The following POLE variants were observed in gnomAD, a reference collection of about 807,000 sequenced individuals.
The protein encoded by POLE is DNA polymerase epsilon catalytic subunit A.
A neutral mutation model predicts 279.2 loss-of-function variants in POLE; 188 were observed. That is an observed-to-expected ratio of 0.67 (90% CI 0.60 to 0.76). The LOEUF (loss-of-function observed/expected upper bound fraction) is 0.76. POLE is among the 30% of genes least tolerant of loss of function. The pLI is 0.00. For synonymous variants in POLE, 1,214 were observed against 1,172.5 expected, an observed-to-expected ratio of 1.04 and a Z score of -0.72; for missense variants, 2,703 against 3,016.7, an observed-to-expected ratio of 0.90 and a Z score of 2.44.
rs530602360 is a variant in POLE at position 132,643,612 on chromosome 12, G to A, written c.4291-52C>T. On this transcript the variant is annotated intron_variant, in intron 33 of 48. Transcript: ENST00000320574. The stretch of plus-strand genomic sequence containing the variant: ...CAAGGGCTGGATGGTGGGGGCTCTG[G>A]CTGCCCACGTGACTTCTGCCCGGGA... 17 of 1,608,886 alleles carry A rather than the reference G, an allele frequency of 1.1e-5. No homozygotes were observed. The African/African-American group carries it at 1.6e-4, about 15-fold the overall frequency.
rs2135975738 is a variant in POLE, at chr12:132,668,450, C to T, written c.2079G>A (p.Glu693=). 1.2e-6 allele frequency: 2 copies of T among 1,612,656 alleles called. No homozygotes were observed. Among genetic ancestry groups the T allele is most frequent in the Non-Finnish European group, 1.7e-6 (2 of 1,179,192 alleles). Residue 693 remains glutamate, a synonymous_variant, in exon 19 of 49, where the codon GAG becomes GAA. Coordinates refer to ENST00000320574, the MANE Select transcript of POLE (RefSeq NM_006231.4). This position sits in a 1 kb window ranked among gnomAD's most constrained non-coding sequence, Gnocchi z 4.0. The stretch of plus-strand genomic sequence containing the variant: ...CCTCTGGGAACAAGGGGGGGAACTT[C>T]TCTGACTCCAGCTGGTGCTGGATCC... ...YHRIQHQLES[E]KFPPLFPEGP...
chr12:132,672,158 G>C, intron 16 of POLE, 57 bp downstream of exon 16: 1 of 1,162,728 alleles, frequency 8.6e-7, no homozygotes, highest in East Asian at 2.3e-5. Context: ...TGAAAGACGT[G>C]GTCTGTGAAG....
At position 132,625,677 on chromosome 12, in the gene POLE, T is replaced by C. The variant is rs2041823515; in HGVS notation, c.6625A>G (p.Lys2209Glu). ...TGCAGGGTGAAGGCCATCAGCTTCT[T>C]CTGTAGAACTTCCACCAGCGTCATC... The part of the protein sequence containing the change: ...IEMTLVEVLQ[K>E]KLMAFTLQDL... The change falls in exon 47 of 49, where the codon AAG becomes GAG. Residue 2209 changes from lysine (K) to glutamate (E), a missense_variant. This residue lies in a region of POLE where 1,551 missense variants were observed against 1,686.1 expected (regional missense o/e 0.92). Transcript: ENST00000320574. 1 of 1,613,738 alleles carries C rather than the reference T, an allele frequency of 6.2e-7. No homozygotes were observed. The highest frequency in any genetic ancestry group is 1.3e-5 in the African/African-American group (1 of 75,044).
In POLE at chr12:132,624,889, A is replaced by G. The variant is rs766379073; in HGVS notation, c.6747+16T>C. ...AGGAGGCCAGGCTGAGCCGAGGCAGATGAGGGAGAGCCCACCTGGGTGTGG... is the reference window on the plus strand; with the variant it reads ...AGGAGGCCAGGCTGAGCCGAGGCAGGTGAGGGAGAGCCCACCTGGGTGTGG... On this transcript the variant is annotated intron_variant, in intron 48 of 48. Coordinates refer to ENST00000320574, the MANE Select transcript of POLE (RefSeq NM_006231.4). 1.9e-6 allele frequency: 3 copies of G among 1,611,544 alleles called. No homozygotes were observed. The highest frequency in any genetic ancestry group is 2.5e-6 in the Non-Finnish European group (3 of 1,177,716).
intron 29 of POLE, among the ~76,000 whole-genome samples, chr12:132,652,215 ATT>A (rs1471303076): frequency 6.6e-6 from 1 of 151,256 alleles, no homozygotes; most frequent in African/African-American, 2.4e-5. Flanking sequence ...TTAATTGATC[ATT>A]CTTTCCCTTT....
chr12:132,687,162 G>C, intron 1 of POLE, 92 bp downstream of exon 1: 1 of 761,772 alleles, frequency 1.3e-6, no homozygotes, highest in South Asian at 5.3e-5. Context: ...CGGGAACCGG[G>C]CCTCCCTCCC....
intron 45 of POLE, among the ~76,000 whole-genome samples, chr12:132,628,580 T>G (rs1445300136): frequency 1.3e-5 from 2 of 149,948 alleles, no homozygotes; most frequent in African/African-American, 4.9e-5. Flanking sequence ...GAGGCGGAGG[T>G]TGCAGCGAGC....
Position 132,672,858 on chromosome 12 carries a change from C to T in POLE, c.1474-19G>A, listed in dbSNP as rs780310140. On this transcript the variant is annotated intron_variant, in intron 14 of 48. Transcript: ENST00000320574. ...GCAGCACCTGCAAGAGAAACCAAGG[C>T]TTCCAGCCAAAAGCAACACCAAAGG... is the stretch of plus-strand genomic sequence containing the variant. 6.8e-6 allele frequency: 11 copies of T among 1,607,786 alleles called. No homozygotes were observed. The highest frequency in any genetic ancestry group is 9.4e-6 in the Non-Finnish European group (11 of 1,176,218).
At position 132,657,446 on chromosome 12, in the gene POLE, C is replaced by T. The variant is rs907214942; in HGVS notation, c.3379-17G>A. On this transcript the variant is annotated splice_polypyrimidine_tract_variant and intron_variant, in intron 27 of 48. Transcript: ENST00000320574. ...ATCCAGAATCTGCATGTGCAGGAAA[C>T]GGGCACAGAGAACAGCAGGTGGCAG... 31 of 1,612,248 alleles carry T rather than the reference C, an allele frequency of 1.9e-5. No individual in the cohort carries two copies. The highest frequency in any genetic ancestry group is 5.0e-5 in the Admixed American group (3 of 59,982).
rs762090058 is a variant in POLE at position 132,648,939 on chromosome 12, G to A, written c.4139C>T (p.Ser1380Leu). Residue 1380 changes from serine (S) to leucine (L), a missense_variant, in exon 32 of 49, where the codon TCG becomes TTG. Transcript: ENST00000320574. ...CCAGCTCCTCCCTACCTTGCGATAC[G>A]AAGCACCCTCCTCCGCTTTAGCGAC... ...QRVAKAEEGA[S>L]YRKVNRVLPR... The A allele has an allele frequency of 7.4e-6, 12 of 1,612,430 alleles. No homozygotes were observed. In the South Asian group the frequency reaches 1.1e-4, roughly 15 times the overall value.
rs2042678491 is a variant in POLE, at chr12:132,661,432, C to G, written c.2864+95G>C. 9 of 1,369,048 alleles carry G rather than the reference C, an allele frequency of 6.6e-6. No individual in the cohort carries two copies. The highest frequency in any genetic ancestry group is 9.1e-6 in the Non-Finnish European group (9 of 988,804). 84.8% of individuals were successfully genotyped at this position (1,369,048 alleles called of 1,614,324 possible). A position where few individuals can be genotyped will look rare whatever the true frequency, so the allele number is the denominator to read the frequency against. ...AGATCACAAGAACCCAGGTCTGTTTCTATCCTGGCTCCTGATCCAACCTCC... is the reference window on the plus strand; with the variant it reads ...AGATCACAAGAACCCAGGTCTGTTTGTATCCTGGCTCCTGATCCAACCTCC... On this transcript the variant is annotated intron_variant, in intron 24 of 48. Coordinates refer to ENST00000320574, the MANE Select transcript of POLE (RefSeq NM_006231.4). This position sits in a 1 kb window ranked among gnomAD's most constrained non-coding sequence, Gnocchi z 4.1.
intron 4 of POLE, 64 bp from the exon 5 acceptor site, chr12:132,680,110 C>T: frequency 6.3e-7 from 1 of 1,593,388 alleles, no homozygotes; most frequent in African/African-American, 1.3e-5. Flanking sequence ...TTGCCTATTT[C>T]CCAGTTGCAA....
At position 132,668,275 on chromosome 12, in the gene POLE, T is replaced by C. The variant is rs2042839716; in HGVS notation, c.2173+81A>G. On this transcript the variant is annotated intron_variant, in intron 19 of 48. Transcript: ENST00000320574. The surrounding 1 kb of genome is among the most constrained non-coding windows in gnomAD (Gnocchi z 4.0). ...AACACCTCTGGGGCCCCAGCTGGGATGGACCAACGCAGCCCAGTAAGAACA... is the reference window on the plus strand; with the variant it reads ...AACACCTCTGGGGCCCCAGCTGGGACGGACCAACGCAGCCCAGTAAGAACA... The C allele has an allele frequency of 5.4e-6, 8 of 1,470,492 alleles. No homozygotes were observed. The highest frequency in any genetic ancestry group is 3.6e-6 in the Non-Finnish European group (4 of 1,110,322). 91.1% of individuals were successfully genotyped at this position (1,470,492 alleles called of 1,614,324 possible). A position where few individuals can be genotyped will look rare whatever the true frequency, so the allele number is the denominator to read the frequency against.
At chr12:132,650,296 T>C (rs1254860643) in intron 29 of POLE, 1 of 198,696 alleles carries the variant, frequency 5.0e-6, no homozygotes, top group Admixed American at 5.4e-5. Flanking sequence ...AAATGGGATG[T>C]TCGTTTACAC....
intron 35 of POLE, 44 bp downstream of exon 35, chr12:132,643,180 C>T (rs1194599114): frequency 6.3e-7 from 1 of 1,592,454 alleles, no homozygotes; most frequent in Non-Finnish European, 8.6e-7. Flanking sequence ...CTTCCCCAAA[C>T]CCTGCCCCAG....
chr12:132,682,437 T>C (rs1283946313), intron 1 of POLE, among the ~76,000 whole-genome samples: 2 of 151,552 alleles, frequency 1.3e-5, no homozygotes, highest in Non-Finnish European at 2.9e-5. Flanking sequence ...TGAGCCAAGA[T>C]TGCGCCACTG....
chr12:132,629,155 A>G (rs1332605775), intron 45 of POLE, among the ~76,000 whole-genome samples: 1 of 152,264 alleles, frequency 6.6e-6, no homozygotes. Context: ...ATCTCCTTGT[A>G]CGTCTCCATC....
intron 1 of POLE, among the ~76,000 whole-genome samples, chr12:132,683,315 G>A (rs868197207): frequency 6.6e-6 from 1 of 152,192 alleles, no homozygotes; most frequent in African/African-American, 2.4e-5. Context: ...AGGAGAAAGG[G>A]ATGGGAGAGA....
At position 132,643,515 on chromosome 12, in the gene POLE, C is replaced by G. The variant is rs878854869; in HGVS notation, c.4336G>C (p.Val1446Leu). The change falls in exon 34 of 49, where the codon GTG becomes CTG. Residue 1446 changes from valine to leucine, a missense_variant. By Grantham distance (32) the Val-to-Leu change is conservative. Transcript: ENST00000320574. ...RALVHLGCVC[V>L]VNKQLVRHLS... ...TGCCTCACCAGCTGTTTATTGACCA[C>G]ACACACACAGCCCAGGTGCACCAGG... 6.2e-7 allele frequency: 1 copy of G among 1,614,028 alleles called. No homozygotes were observed. Among genetic ancestry groups the G allele is most frequent in the Admixed American group, 1.7e-5 (1 of 60,010 alleles).
Sources: allele counts gnomAD v4.1 joint callset (sites outside exome capture counted in the v4.1 genomes callset), GRCh38; gene constraint gnomAD v4.1.1; regional missense constraint gnomAD v4.1.1; non-coding constraint Gnocchi (gnomAD v3.1); transcripts MANE v1.5; gene names NCBI Gene and HGNC (gene_info 2026-07-23, HGNC 2026-07-21).